The following RYR3 variants were observed in gnomAD, a reference collection of about 807,000 sequenced individuals.
RYR3 encodes ryanodine receptor 3.
Under a neutral mutation model 584.3 loss-of-function variants are expected in RYR3, and 207 were observed. The ratio of observed to expected loss-of-function variants is 0.35; its 90% CI spans 0.32 to 0.40. The LOEUF (loss-of-function observed/expected upper bound fraction) is 0.40. Ranked by LOEUF, RYR3 falls within the 10% of genes least tolerant of loss-of-function variation. The pLI is 1.00. For missense variants in RYR3, 5,616 were observed against 6,089.2 expected, an observed-to-expected ratio of 0.92 and a Z score of 2.59; for synonymous variants, 2,416 against 2,248.5, an observed-to-expected ratio of 1.07 and a Z score of -2.11.
chr15:33,572,688 C>CAT lies in RYR3; in HGVS notation c.1268+5890_1268+5891insTA, dbSNP rs1555533721. On this transcript the variant is annotated intron_variant, in intron 12 of 103. Coordinates refer to ENST00000634891, the MANE Select transcript of RYR3 (RefSeq NM_001036.6). ...ACACACACACACACACACACACACACACTGGGCTGGGCACAATGGCTCACG... is the reference window on the plus strand; with the variant it reads ...ACACACACACACACACACACACACACATACTGGGCTGGGCACAATGGCTCACG... Among the ~76,000 whole-genome samples the CAT allele has an allele frequency of 2.6e-3, 345 of 131,444 alleles. 3 individuals carry two copies. Among genetic ancestry groups the CAT allele is most frequent in the Middle Eastern group, 0.013 (3 of 236 alleles). The allele number at this position is 131,444 out of a possible 152,430, so 86.2% of individuals were successfully genotyped here.
chr15:33,864,825 GGCATGGAAT>G (rs1374284159), intron 103 of RYR3: 1 of 281,252 alleles, frequency 3.6e-6, no homozygotes, highest in Non-Finnish European at 6.7e-6. Flanking sequence ...TTCCACCAGC[GGCATGGAAT>G]CAGCTTATTG....
At position 33,857,870 on chromosome 15, in the gene RYR3, G is replaced by A. The variant is rs201221837; in HGVS notation, c.14098G>A (p.Glu4700Lys). The change falls in exon 99 of 104, where the codon GAA becomes AAA. Residue 4700 changes from glutamate (E) to lysine (K), a missense_variant. By Grantham distance (56) the Glu-to-Lys change is moderately conservative. Coordinates refer to ENST00000634891, the MANE Select transcript of RYR3 (RefSeq NM_001036.6). ...NFFRKFYNKSEDDDEPDMKCD... is the reference protein window; with the variant it reads ...NFFRKFYNKSKDDDEPDMKCD... Reference sequence around the variant, plus strand: ...CTTCCGCAAGTTCTACAACAAAAGCGAAGACGATGACGAGCCCGATATGAA... The same window carrying A: ...CTTCCGCAAGTTCTACAACAAAAGCAAAGACGATGACGAGCCCGATATGAA... 182 of 1,614,084 alleles carry A rather than the reference G, an allele frequency of 1.1e-4. No homozygotes were observed. The highest frequency in any genetic ancestry group is 1.3e-4 in the Non-Finnish European group (158 of 1,180,040).
At chr15:33,411,509 C>T (rs1363410041) in intron 1 of RYR3, among the ~76,000 whole-genome samples, 1 of 152,196 alleles carries the variant, frequency 6.6e-6, no homozygotes, top group Non-Finnish European at 1.5e-5. Context: ...AGATGGGATG[C>T]ACACGGTGAA....
At chr15:33,741,488 T>TAAG (rs10622432) in intron 51 of RYR3, among the ~76,000 whole-genome samples, 152,115 of 152,320 alleles carry the variant, frequency 1, 75,956 homozygotes, top group Middle Eastern at 1. Flanking sequence ...GCATGCAATA[T>TAAG]AAGACTGTGC....
At chr15:33,656,761 C>T (rs1218560512) in intron 32 of RYR3, among the ~76,000 whole-genome samples, 2 of 152,210 alleles carry the variant, frequency 1.3e-5, no homozygotes, top group African/African-American at 2.4e-5. Flanking sequence ...CAGGGCCACT[C>T]TCAGCTCCCA....
chr15:33,755,628 C>T (rs2071743465), intron 58 of RYR3, among the ~76,000 whole-genome samples: 1 of 152,032 alleles, frequency 6.6e-6, no homozygotes, highest in Admixed American at 6.5e-5. Flanking sequence ...AACAAACAAA[C>T]AAACAAACAA....
At chr15:33,452,100 T>G (rs1453096642) in intron 1 of RYR3, among the ~76,000 whole-genome samples, 1 of 152,230 alleles carries the variant, frequency 6.6e-6, no homozygotes, top group East Asian at 1.9e-4. Context: ...CATGTGTGTT[T>G]GCCTCTTTCA....
intron 102 of RYR3, among the ~76,000 whole-genome samples, chr15:33,862,348 G>T (rs1888588882): frequency 6.7e-6 from 1 of 148,544 alleles, no homozygotes. Flanking sequence ...AGCTGGGACA[G>T]GTGTACCACT....
intron 69 of RYR3, among the ~76,000 whole-genome samples, chr15:33,805,653 A>G (rs1332413549): frequency 3.3e-5 from 5 of 150,840 alleles, no homozygotes; most frequent in South Asian, 2.1e-4. Flanking sequence ...AATTTTTTGT[A>G]TTTTTAGTAG....
At chr15:33,635,295 G>A (rs1478739434) in intron 25 of RYR3, among the ~76,000 whole-genome samples, 2 of 152,162 alleles carry the variant, frequency 1.3e-5, no homozygotes, top group African/African-American at 4.8e-5. Context: ...TTGAATAAAT[G>A]ATTTTACCTC....
chr15:33,598,329 C>G (rs186822017), intron 16 of RYR3, among the ~76,000 whole-genome samples: 1 of 149,844 alleles, frequency 6.7e-6, no homozygotes, highest in Non-Finnish European at 1.5e-5. Flanking sequence ...AATACAAACA[C>G]GCACACTTGG....
intron 32 of RYR3, among the ~76,000 whole-genome samples, chr15:33,653,443 G>A (rs556459046): frequency 2.0e-5 from 3 of 152,034 alleles, no homozygotes; most frequent in African/African-American, 2.4e-5. Context: ...AGGCCGAGGC[G>A]GGGGGATCAT....
At chr15:33,794,424 C>T (rs1270165286) in intron 67 of RYR3, among the ~76,000 whole-genome samples, 1 of 146,574 alleles carries the variant, frequency 6.8e-6, no homozygotes, top group African/African-American at 2.5e-5. Flanking sequence ...CACAAAAATC[C>T]CTGCTTTTTT....
At chr15:33,685,991 G>A (rs1159101793) in intron 38 of RYR3, among the ~76,000 whole-genome samples, 2 of 152,106 alleles carry the variant, frequency 1.3e-5, no homozygotes, top group Non-Finnish European at 2.9e-5. Context: ...GAGAAAGCAG[G>A]AAAGATCTAA....
intron 16 of RYR3, among the ~76,000 whole-genome samples, chr15:33,589,100 C>G (rs2058999587): frequency 6.6e-6 from 1 of 152,186 alleles, no homozygotes; most frequent in South Asian, 2.1e-4. Context: ...TCCCTTTTCT[C>G]TGTATCCTCA....
At chr15:33,862,320 C>G (rs550718232) in intron 102 of RYR3, among the ~76,000 whole-genome samples, 1 of 152,098 alleles carries the variant, frequency 6.6e-6, no homozygotes, top group Non-Finnish European at 1.5e-5. Context: ...TCAAGACATC[C>G]GCCTCAGCCT....
chr15:33,837,845 G>A lies in RYR3; in HGVS notation c.11865G>A (p.Thr3955=), dbSNP rs774146091. The A allele has an allele frequency of 3.7e-5, 59 of 1,613,964 alleles. No individual in the cohort carries two copies. In the Middle Eastern group the frequency reaches 8.2e-4, roughly 23 times the overall value. ...CCATGGAAGGGCAAAAACAGTACAC[G>A]CAGTCAGAGATTGACTTTCTCCTGT... ...QKAMEGQKQY[T]QSEIDFLLSC... is the part of the protein sequence containing the mutation. The change falls in exon 89 of 104, where the codon ACG becomes ACA. Residue 3955 remains threonine, a synonymous_variant. Transcript: ENST00000634891.
chr15:33,690,802 A>G (rs905711592), intron 38 of RYR3, among the ~76,000 whole-genome samples: 3 of 152,196 alleles, frequency 2.0e-5, no homozygotes, highest in Non-Finnish European at 4.4e-5. Context: ...GATTATATCT[A>G]TCAGTGTTTA....
intron 60 of RYR3, among the ~76,000 whole-genome samples, chr15:33,763,904 A>AAAAAAAACAAAAAAAAC (rs2072747972): frequency 7.7e-6 from 1 of 130,576 alleles, no homozygotes; most frequent in African/African-American, 3.3e-5. Context: ...AAAAAAAAAA[A>AAAAAAAACAAAAAAAAC]AAAAAAAAAA....
Sources: allele counts gnomAD v4.1 joint callset (sites outside exome capture counted in the v4.1 genomes callset), GRCh38; gene constraint gnomAD v4.1.1; transcripts MANE v1.5; gene names NCBI Gene and HGNC (gene_info 2026-07-23, HGNC 2026-07-21).